CDKL4: variants seen among roughly 807,000 people sequenced by gnomAD.
CDKL4 encodes the protein cyclin-dependent kinase-like 4.
In CDKL4, 44 loss-of-function variants were observed where a neutral mutation model predicts 42.0. That is an observed-to-expected ratio of 1.05 (90% CI 0.82 to 1.35). The LOEUF (loss-of-function observed/expected upper bound fraction) is 1.35. Ranked by LOEUF, CDKL4 falls within the 40% of genes most tolerant of loss-of-function variation. The pLI, the probability that CDKL4 is intolerant of heterozygous loss-of-function variation, is 0.00. For missense variants in CDKL4, 393 were observed against 369.9 expected (o/e 1.06, Z -0.51); for synonymous variants, 120 against 121.6 (o/e 0.99, Z 0.09).
At chr2:39,168,197 A>C in the CDKL4 span, among the ~76,000 whole-genome samples, 8 of 152,036 alleles carry the variant, frequency 5.3e-5, no homozygotes, top group Non-Finnish European at 1.2e-4. Context: ...GCTAATTATC[A>C]ATGTTAACTA....
chr2:39,234,101 G>C (rs186411063), intron 1 of CDKL4, among the ~76,000 whole-genome samples: 1,714 of 151,896 alleles, frequency 0.011, 37 homozygotes, highest in African/African-American at 0.04. Context: ...TTTTAGTACA[G>C]GTGGGGTTTC....
In CDKL4 at chr2:39,185,397, T is replaced by TATAC. The variant is rs1675742828; in HGVS notation, c.736-751_736-750insGTAT. Among the ~76,000 whole-genome samples the TATAC allele has an allele frequency of 1.7e-4, 5 of 28,578 alleles. 1 individual carries two copies. Among genetic ancestry groups the TATAC allele is most frequent in the African/African-American group, 4.3e-4 (5 of 11,540 alleles). 18.7% of individuals were successfully genotyped at this position (28,578 alleles called of 152,430 possible). Reference sequence around the variant, plus strand: ...ACATATGTATATATACATGTATATATACATATGTGTATATATACATATATA... The same window carrying TATAC: ...ACATATGTATATATACATGTATATATATACACATATGTGTATATATACATATATA... On this transcript the variant is annotated intron_variant, in intron 7 of 9. Coordinates refer to ENST00000451199, the Ensembl canonical transcript of CDKL4.
chr2:39,168,990 C>T, the CDKL4 span, among the ~76,000 whole-genome samples: 5 of 152,056 alleles, frequency 3.3e-5, no homozygotes, highest in African/African-American at 1.2e-4. Flanking sequence ...CTGTTGACCT[C>T]GTGATCCGCC....
intron 1 of CDKL4, among the ~76,000 whole-genome samples, chr2:39,233,782 T>C (rs971238832): frequency 6.6e-6 from 1 of 150,534 alleles, no homozygotes; most frequent in African/African-American, 2.4e-5. Flanking sequence ...CACAAACACT[T>C]CAAACTGATT....
At chr2:39,168,589 G>T in the CDKL4 span, among the ~76,000 whole-genome samples, 9 of 151,712 alleles carry the variant, frequency 5.9e-5, no homozygotes, top group African/African-American at 2.2e-4. Flanking sequence ...TACAAAATTA[G>T]CTGGGTGTGG....
intron 1 of CDKL4, among the ~76,000 whole-genome samples, chr2:39,243,333 G>A (rs1346833851): frequency 6.6e-6 from 1 of 151,972 alleles, no homozygotes; most frequent in Non-Finnish European, 1.5e-5. Flanking sequence ...ACATAACAGT[G>A]AATTATTGAA....
At chr2:39,205,086 C>T (rs145119507) in intron 4 of CDKL4, among the ~76,000 whole-genome samples, 263 of 151,576 alleles carry the variant, frequency 1.7e-3, no homozygotes, top group Non-Finnish European at 3.0e-3. Context: ...AGGCTGAGGC[C>T]GAAGGATCAT....
intron 1 of CDKL4, among the ~76,000 whole-genome samples, chr2:39,239,153 C>A (rs1679521487): frequency 1.3e-5 from 2 of 151,922 alleles, no homozygotes. Context: ...GCAAAACAAA[C>A]AACAAACACA....
chr2:39,227,364 T>C (rs1186636615), intron 2 of CDKL4, among the ~76,000 whole-genome samples: 1 of 152,212 alleles, frequency 6.6e-6, no homozygotes, highest in Non-Finnish European at 1.5e-5. Context: ...TCACAATGCA[T>C]GCCTCTACCT....
intron 7 of CDKL4, among the ~76,000 whole-genome samples, chr2:39,186,947 C>G (rs1675863092): frequency 6.6e-6 from 1 of 152,042 alleles, no homozygotes; most frequent in Non-Finnish European, 1.5e-5. Flanking sequence ...TTTCCTGGCT[C>G]ATTGTAATGT....
intron 1 of CDKL4, among the ~76,000 whole-genome samples, chr2:39,230,778 T>C (rs541279873): frequency 6.6e-6 from 1 of 152,342 alleles, no homozygotes; most frequent in East Asian, 1.9e-4. Context: ...TTCTATGAAG[T>C]AGGTGTTATT....
chr2:39,244,025 G>C (rs1014759649), upstream of CDKL4, among the ~76,000 whole-genome samples: 1 of 152,224 alleles, frequency 6.6e-6, no homozygotes, highest in Admixed American at 6.5e-5. Context: ...GGAACGCTAG[G>C]GCGCGCGGGG....
intron 3 of CDKL4, among the ~76,000 whole-genome samples, chr2:39,214,512 T>G (rs908438450): frequency 2.6e-5 from 4 of 152,238 alleles, no homozygotes; most frequent in Non-Finnish European, 2.9e-5. Flanking sequence ...TTCTAGAAAG[T>G]CTTCAATGAA....
At chr2:39,219,540 C>A (rs564819889) in intron 3 of CDKL4, among the ~76,000 whole-genome samples, 45 of 152,158 alleles carry the variant, frequency 3.0e-4, no homozygotes, top group African/African-American at 1.1e-3. Context: ...CCTGCCTTAG[C>A]CTCCTGAGTA....
At chr2:39,218,329 T>C (rs1262008398) in intron 3 of CDKL4, among the ~76,000 whole-genome samples, 1 of 152,052 alleles carries the variant, frequency 6.6e-6, no homozygotes, top group Non-Finnish European at 1.5e-5. Context: ...GGCAAGACCC[T>C]ACCTCTACTC....
At chr2:39,211,832 G>T (rs1256956810) in intron 4 of CDKL4, among the ~76,000 whole-genome samples, 1 of 151,950 alleles carries the variant, frequency 6.6e-6, no homozygotes, top group Non-Finnish European at 1.5e-5. Flanking sequence ...TAACATTATC[G>T]AAAGTGGGAC....
At chr2:39,172,727 G>C (rs556026582), downstream of CDKL4, among the ~76,000 whole-genome samples, 1 of 151,954 alleles carries the variant, frequency 6.6e-6, no homozygotes, top group African/African-American at 2.4e-5. Context: ...GATTACAGGC[G>C]CCCACCATCA....
intron 3 of CDKL4, among the ~76,000 whole-genome samples, chr2:39,216,428 G>A (rs6743345): frequency 0.72 from 108,824 of 152,078 alleles, 42,095 homozygotes; most frequent in Non-Finnish European, 0.87. Context: ...GGAGGGCCTC[G>A]GAGATCTAGA....
intron 1 of CDKL4, among the ~76,000 whole-genome samples, chr2:39,236,169 A>C (rs1430262179): frequency 1.3e-5 from 2 of 151,308 alleles, no homozygotes; most frequent in Admixed American, 6.6e-5. Context: ...AAAAAAAAAA[A>C]AACCAGAAAT....
Sources: allele counts gnomAD v4.1 joint callset (sites outside exome capture counted in the v4.1 genomes callset), GRCh38; gene constraint gnomAD v4.1.1; transcripts MANE v1.5; gene names NCBI Gene and HGNC (gene_info 2026-07-23, HGNC 2026-07-21).